Variants in COL15A1 observed in about 807,000 individuals in gnomAD.
The protein encoded by COL15A1 is collagen alpha-1(XV) chain.
COL15A1 carries 111 observed loss-of-function variants against 165.9 expected under a neutral mutation model. The observed-to-expected ratio is 0.67, with a 90% confidence interval of 0.57 to 0.78. The LOEUF (loss-of-function observed/expected upper bound fraction) is 0.78, where lower values mean the gene tolerates loss of function less well. COL15A1 is among the 30% of genes least tolerant of loss of function. The pLI, the probability that COL15A1 is intolerant of heterozygous loss-of-function variation, is 0.00. For synonymous variants in COL15A1, 659 were observed against 674.8 expected (o/e 0.98, Z 0.36); for missense variants, 1,745 against 1,789.7 (o/e 0.98, Z 0.45).
intron 2 of COL15A1, among the ~76,000 whole-genome samples, chr9:98,962,899 G>A (rs906377948): frequency 2.6e-5 from 4 of 152,190 alleles, no homozygotes; most frequent in African/African-American, 7.2e-5. Flanking sequence ...CTGGATCTCC[G>A]GCACTTAGAA....
chr9:99,002,472 C>G (rs1439269189), intron 7 of COL15A1, among the ~76,000 whole-genome samples: 1 of 152,136 alleles, frequency 6.6e-6, no homozygotes, highest in Non-Finnish European at 1.5e-5. Flanking sequence ...GCACTCAACC[C>G]CAAAATGAGT....
chr9:98,953,839 G>T (rs1308615567), intron 2 of COL15A1, among the ~76,000 whole-genome samples: 1 of 152,242 alleles, frequency 6.6e-6, no homozygotes, highest in African/African-American at 2.4e-5. Flanking sequence ...CATCTAGGCA[G>T]TCTTTTGTGA....
chr9:99,007,501 G>A (rs939852510), intron 9 of COL15A1, among the ~76,000 whole-genome samples: 6 of 152,044 alleles, frequency 3.9e-5, no homozygotes, highest in Non-Finnish European at 5.9e-5. Context: ...TGGCTAGGAG[G>A]GTTTATTCCT....
At position 99,062,285 on chromosome 9, in the gene COL15A1, C is replaced by A. The variant is rs552204753; in HGVS notation, c.3572C>A (p.Pro1191His). ...CCCATTCCTGCCGACAGCCCTCCAC[C>A]CCCTGCGCTTTCCAGCAACGTGAGT... ...LIPIPADSPP[P>H]PALSSNPHQL... The change falls in exon 38 of 42, where the codon CCC (proline) becomes CAC (histidine). Residue 1191 changes from proline (P) to histidine (H), a missense_variant. Pro to His is a moderately conservative substitution (Grantham distance 77, BLOSUM62 -2). Coordinates refer to ENST00000375001, the MANE Select transcript of COL15A1 (RefSeq NM_001855.5). The A allele has an allele frequency of 5.6e-6, 9 of 1,613,278 alleles. 1 individual carries two copies. The Admixed American group carries it at 8.3e-5, about 15-fold the overall frequency.
rs934915173 is a variant in COL15A1, at chr9:99,048,006, T to C, written c.2793+6T>C. ...ATCCAGGGGTCATTATGCAGGTGAGTCACCCTGGGGATGGAGCCGGAGGTT... is the reference window on the plus strand; with the variant it reads ...ATCCAGGGGTCATTATGCAGGTGAGCCACCCTGGGGATGGAGCCGGAGGTT... On this transcript the variant is annotated splice_donor_region_variant and intron_variant, in intron 28 of 41. Coordinates refer to ENST00000375001, the MANE Select transcript of COL15A1 (RefSeq NM_001855.5). 1 of 1,521,920 alleles carries C rather than the reference T, an allele frequency of 6.6e-7. No homozygotes were observed. Among genetic ancestry groups the C allele is most frequent in the Non-Finnish European group, 9.0e-7 (1 of 1,111,608 alleles). 94.3% of individuals were successfully genotyped at this position (1,521,920 alleles called of 1,614,324 possible).
At chr9:98,989,323 G>T (rs1241705112) in intron 5 of COL15A1, 65 bp downstream of exon 5, 2 of 1,341,064 alleles carry the variant, frequency 1.5e-6, no homozygotes, top group Admixed American at 3.6e-5. Flanking sequence ...AATTACTAGA[G>T]GGGGCCCAGA....
intron 2 of COL15A1, among the ~76,000 whole-genome samples, chr9:98,974,031 C>T (rs1180690544): frequency 6.6e-6 from 1 of 152,206 alleles, no homozygotes; most frequent in Non-Finnish European, 1.5e-5. Flanking sequence ...GCCCTTTCCA[C>T]CACCCCATGC....
At chr9:98,974,082 G>T (rs1838104026) in intron 2 of COL15A1, among the ~76,000 whole-genome samples, 1 of 152,222 alleles carries the variant, frequency 6.6e-6, no homozygotes. Flanking sequence ...AGGCCGACTT[G>T]TGTGTGGTCT....
At chr9:98,968,364 T>C (rs1837990702) in intron 2 of COL15A1, among the ~76,000 whole-genome samples, 1 of 152,152 alleles carries the variant, frequency 6.6e-6, no homozygotes, top group African/African-American at 2.4e-5. Context: ...AGGCGAGAAG[T>C]GTGAAGTGGA....
Position 98,944,172 on chromosome 9 carries a change from G to T in COL15A1, c.22G>T (p.Gly8Trp), listed in dbSNP as rs201993304. ...GGGCACATCTTGCAGGAGGAACAAC[G>T]GGCAGTGCTGGTGTCTGCTGATGCT... is the stretch of plus-strand genomic sequence containing the variant. MAPRRNNGQCWCLLMLLS... is the reference protein window; with the variant it reads MAPRRNNWQCWCLLMLLS... The change falls in exon 2 of 42, where the codon GGG (glycine) becomes TGG (tryptophan). Residue 8 changes from glycine (G) to tryptophan (W), a missense_variant. Physicochemically the swap from Gly to Trp is radical, Grantham distance 184. Coordinates refer to ENST00000375001, the MANE Select transcript of COL15A1 (RefSeq NM_001855.5). 9 of 1,614,018 alleles carry T rather than the reference G, an allele frequency of 5.6e-6. No homozygotes were observed. In the African/African-American group the frequency reaches 6.7e-5, roughly 12 times the overall value.
chr9:98,984,570 A>T (rs1838279148), intron 2 of COL15A1, among the ~76,000 whole-genome samples: 1 of 152,252 alleles, frequency 6.6e-6, no homozygotes. Context: ...TGTGAGGATT[A>T]CATGAGCTAA....
intron 6 of COL15A1, among the ~76,000 whole-genome samples, chr9:98,999,857 G>GT (rs201063548): frequency 0.018 from 2,365 of 134,020 alleles, 46 homozygotes; most frequent in African/African-American, 0.053. Flanking sequence ...ATCCATTTGC[G>GT]TTTTTTTTTT....
rs144070115 is a variant in COL15A1 at position 98,989,865 on chromosome 9, C to T, written c.804+607C>T. ...CTGGACCTCCTCCCTCCTGGGAATG[C>T]TCCCTGTGGCTGAGACATGGAAGTG... On this transcript the variant is annotated intron_variant, in intron 5 of 41. Coordinates refer to ENST00000375001, the MANE Select transcript of COL15A1 (RefSeq NM_001855.5). Among the ~76,000 whole-genome samples the T allele has an allele frequency of 6.3e-3, 956 of 152,286 alleles. 1 individual carries two copies. The highest frequency in any genetic ancestry group is 0.024 in the Middle Eastern group (7 of 294).
In COL15A1 at chr9:99,016,167, G is replaced by A. The variant is rs748786825; in HGVS notation, c.1647+48G>A. ...ATTTGACTTGGCAGACCTTACAGGG[G>A]AGAGAAAGAAAGGCCAGAGTTGTGG... On this transcript the variant is annotated intron_variant, in intron 11 of 41. Coordinates refer to ENST00000375001, the MANE Select transcript of COL15A1 (RefSeq NM_001855.5). 4.4e-5 allele frequency: 68 copies of A among 1,534,932 alleles called. 1 individual carries two copies. The South Asian group carries it at 5.6e-4, about 13-fold the overall frequency.
intron 2 of COL15A1, among the ~76,000 whole-genome samples, chr9:98,969,444 G>T (rs1302590443): frequency 6.6e-6 from 1 of 152,194 alleles, no homozygotes; most frequent in Non-Finnish European, 1.5e-5. Flanking sequence ...CAGAGTTGAG[G>T]TTGAGTCTTT....
At chr9:99,042,791 G>T (rs931752525) in intron 24 of COL15A1, among the ~76,000 whole-genome samples, 2 of 152,152 alleles carry the variant, frequency 1.3e-5, no homozygotes, top group Non-Finnish European at 2.9e-5. Context: ...CAAACCTATT[G>T]TTGTGCTTGT....
intron 21 of COL15A1, 146 bp downstream of exon 21, chr9:99,036,542 T>C (rs914540379): frequency 4.1e-5 from 29 of 699,972 alleles, no homozygotes; most frequent in Non-Finnish European, 6.9e-5. Flanking sequence ...TGCCAGCACC[T>C]ACCTGTTCCT....
chr9:99,005,166 T>G, intron 9 of COL15A1, 116 bp downstream of exon 9: 2 of 1,081,716 alleles, frequency 1.8e-6, no homozygotes, highest in Non-Finnish European at 2.6e-6. Context: ...CGGGGATCTC[T>G]GACCAAATAC....
intron 31 of COL15A1, among the ~76,000 whole-genome samples, chr9:99,053,773 C>T (rs1825666046): frequency 6.6e-6 from 1 of 152,194 alleles, no homozygotes. Context: ...ATATTCCCTC[C>T]CCTTCATTGA....
Sources: allele counts gnomAD v4.1 joint callset (sites outside exome capture counted in the v4.1 genomes callset), GRCh38; gene constraint gnomAD v4.1.1; transcripts MANE v1.5; gene names NCBI Gene and HGNC (gene_info 2026-07-23, HGNC 2026-07-21).